The following GCA variants were observed in gnomAD, a reference collection of about 807,000 sequenced individuals.
The protein encoded by GCA is grancalcin, also known as grancalcin, EF-hand calcium-binding protein.
A neutral mutation model predicts 32.6 loss-of-function variants in GCA; 30 were observed. The observed-to-expected ratio is 0.92, with a 90% CI of 0.69 to 1.25. The LOEUF (loss-of-function observed/expected upper bound fraction) is 1.25. Among genes scored for constraint, GCA ranks in the 50% most tolerant of loss-of-function variants. GCA has a pLI of 0.00. For synonymous variants in GCA, 102 were observed against 84.6 expected, an observed-to-expected ratio of 1.21 and a Z score of -1.13; for missense variants, 291 against 266.8, an observed-to-expected ratio of 1.09 and a Z score of -0.63.
chr2:162,336,407 C>A (rs1159549193), intron 1 of GCA, among the ~76,000 whole-genome samples: 1 of 152,164 alleles, frequency 6.6e-6, no homozygotes, highest in Non-Finnish European at 1.5e-5. Flanking sequence ...TATGTCCTCA[C>A]TCAGACATTT....
At chr2:162,326,352 T>G (rs1371896942) in intron 1 of GCA, among the ~76,000 whole-genome samples, 2 of 152,142 alleles carry the variant, frequency 1.3e-5, no homozygotes, top group Non-Finnish European at 2.9e-5. Context: ...CAAACTTTTG[T>G]GCAGAGGGCT....
In GCA at chr2:162,349,115, C is replaced by T. The variant is rs1684859788; in HGVS notation, c.192+1373C>T. ...TTATTAATAATTGTGATAGTGTGGT[C>T]CTAATGTAAAAACAAACATAATACT... On this transcript the variant is annotated intron_variant, in intron 2 of 7. Transcript: ENST00000437150. Among the ~76,000 whole-genome samples the T allele has an allele frequency of 2.0e-5, 3 of 151,688 alleles. No homozygotes were observed. In the South Asian group the frequency reaches 6.2e-4, roughly 31 times the overall value.
At chr2:162,343,621 C>T (rs1447340489), upstream of GCA, among the ~76,000 whole-genome samples, 2 of 152,096 alleles carry the variant, frequency 1.3e-5, no homozygotes, top group Non-Finnish European at 2.9e-5. Flanking sequence ...TGGGTTTTGG[C>T]GCAGAAGCAC....
chr2:162,323,742 G>A (rs1265809036), intron 1 of GCA, among the ~76,000 whole-genome samples: 6 of 151,624 alleles, frequency 4.0e-5, no homozygotes, highest in Admixed American at 3.9e-4. Context: ...TATTTCTGAG[G>A]GCTCTGTTCT....
Position 162,359,035 on chromosome 2 carries a change from CTT to C in GCA, c.455-4_455-3del. 1.5e-6 allele frequency: 2 copies of C among 1,336,884 alleles called. No homozygotes were observed. Among genetic ancestry groups the C allele is most frequent in the Non-Finnish European group, 2.1e-6 (2 of 941,668 alleles). The allele number at this position is 1,336,884 out of a possible 1,614,324, so 82.8% of individuals were successfully genotyped here. On this transcript the variant is annotated splice_region_variant and splice_polypyrimidine_tract_variant and intron_variant, in intron 5 of 7. Coordinates refer to ENST00000437150, the MANE Select transcript of GCA (RefSeq NM_012198.5). ...TACATTTAGAAGTTTTAATTTATCTCTTTTTTAGGTTATAGGTTGAGTCCTCA... is the reference window on the plus strand; with the variant it reads ...TACATTTAGAAGTTTTAATTTATCTCTTTTAGGTTATAGGTTGAGTCCTCA...
intron 4 of GCA, among the ~76,000 whole-genome samples, chr2:162,370,721 G>A (rs113737924): frequency 0.017 from 2,608 of 152,146 alleles, 76 homozygotes; most frequent in African/African-American, 0.059. Context: ...GTTTTGCCAT[G>A]CAAATCCACT....
In GCA at chr2:162,347,655, C is replaced by T. The variant is rs201337928; in HGVS notation, c.105C>T (p.Leu35=). 96 of 1,610,180 alleles carry T rather than the reference C, an allele frequency of 6.0e-5. No individual in the cohort carries two copies. The highest frequency in any genetic ancestry group is 7.1e-5 in the Non-Finnish European group (84 of 1,177,138). The change falls in exon 2 of 8, where the codon CTC becomes CTT. Residue 35 remains leucine (L), a synonymous_variant. Transcript: ENST00000437150. ...CAGAAACAGGCCCAGCTATACTCCT[C>T]GATGGATACTCTGGGCCAGCATATT... ...PVPETGPAIL[L]DGYSGPAYSD...
intron 1 of GCA, among the ~76,000 whole-genome samples, chr2:162,324,295 G>A (rs1343541606): frequency 6.6e-6 from 1 of 152,184 alleles, no homozygotes; most frequent in East Asian, 1.9e-4. Flanking sequence ...CCTGGGCTTG[G>A]AGAATGAGTG....
At chr2:162,374,340 CA>C (rs1686084761), downstream of GCA, among the ~76,000 whole-genome samples, 1 of 152,112 alleles carries the variant, frequency 6.6e-6, no homozygotes, top group South Asian at 2.1e-4. Flanking sequence ...CTAAAGCTCA[CA>C]AGTAGCCAAC....
At chr2:162,359,322 A>G in intron 6 of GCA, 165 bp downstream of exon 6, 1 of 611,730 alleles carries the variant, frequency 1.6e-6, no homozygotes, top group Non-Finnish European at 2.9e-6. Flanking sequence ...TATAAATGAT[A>G]AAAACGTTAT....
At chr2:162,356,700 G>A (rs2105342736) in intron 4 of GCA, 58 bp from the exon 5 acceptor site, 1 of 1,323,366 alleles carries the variant, frequency 7.6e-7, no homozygotes, top group East Asian at 2.3e-5. Context: ...TTTAGTCAAT[G>A]ATTTAGAGTC....
Position 162,344,167 on chromosome 2 carries a change from C to T in GCA, c.-82C>T. On this transcript the variant is annotated 5_prime_UTR_variant, in exon 1 of 8. Transcript: ENST00000437150. ...TCAGCCTCACCTGCAGCTGCGCCTC[C>T]TTGCACCTGCGCCTGTGCTTTTTCT... is the stretch of plus-strand genomic sequence containing the variant. 1 of 1,484,568 alleles carries T rather than the reference C, an allele frequency of 6.7e-7. No individual in the cohort carries two copies. The highest frequency in any genetic ancestry group is 9.4e-7 in the Non-Finnish European group (1 of 1,064,368). 92.0% of individuals were successfully genotyped at this position (1,484,568 alleles called of 1,614,324 possible). A position where few individuals can be genotyped will look rare whatever the true frequency, so the allele number is the denominator to read the frequency against.
At chr2:162,334,105 C>T (rs559424753) in intron 1 of GCA, among the ~76,000 whole-genome samples, 6 of 152,316 alleles carry the variant, frequency 3.9e-5, no homozygotes, top group African/African-American at 1.4e-4. Context: ...AGTGGGAAAG[C>T]CTTCCCTTGC....
At chr2:162,341,839 G>T (rs1684464110), upstream of GCA, among the ~76,000 whole-genome samples, 1 of 152,066 alleles carries the variant, frequency 6.6e-6, no homozygotes, top group African/African-American at 2.4e-5. Flanking sequence ...TGCATTTGTG[G>T]GTAGTGAAAT....
intron 1 of GCA, among the ~76,000 whole-genome samples, chr2:162,334,858 A>G (rs959565024): frequency 3.9e-5 from 6 of 152,180 alleles, no homozygotes; most frequent in African/African-American, 1.2e-4. Flanking sequence ...ATCTAGACCT[A>G]TGCTTTTCCT....
chr2:162,340,684 T>C (rs1050276968), upstream of GCA, among the ~76,000 whole-genome samples: 2 of 152,188 alleles, frequency 1.3e-5, no homozygotes, highest in Admixed American at 1.3e-4. Flanking sequence ...TCTGCTCCAA[T>C]GTCCCCGCTT....
Position 162,347,577 on chromosome 2 carries a change from G to A in GCA, c.28-1G>A. The stretch of plus-strand genomic sequence containing the variant: ...AACCTTCTCCCCTTTCACTATTATA[G>A]TTTGGAAATTTTAGCATTCAGGTGC... On this transcript the variant is annotated splice_acceptor_variant, in intron 1 of 7. Transcript: ENST00000437150. LOFTEE classifies it high-confidence loss of function. 1.7e-5 allele frequency: 27 copies of A among 1,596,624 alleles called. No individual in the cohort carries two copies. The highest frequency in any genetic ancestry group is 2.3e-5 in the Non-Finnish European group (27 of 1,168,206).
At chr2:162,373,662 C>T (rs1447535013), downstream of GCA, 2 of 1,481,038 alleles carry the variant, frequency 1.4e-6, no homozygotes, top group South Asian at 1.4e-5. Context: ...GGGATTCAAG[C>T]CTACAGAACA....
intron 1 of GCA, among the ~76,000 whole-genome samples, chr2:162,324,864 G>A (rs1237900988): frequency 6.6e-6 from 1 of 152,186 alleles, no homozygotes; most frequent in African/African-American, 2.4e-5. Context: ...CCTGCTGACA[G>A]GGGGCATTGT....
Sources: allele counts gnomAD v4.1 joint callset (sites outside exome capture counted in the v4.1 genomes callset), GRCh38; gene constraint gnomAD v4.1.1; transcripts MANE v1.5; gene names NCBI Gene and HGNC (gene_info 2026-07-23, HGNC 2026-07-21).